MAP1A: variants seen among roughly 807,000 people sequenced by gnomAD.
MAP1A encodes microtubule associated protein 1A, also known as microtubule-associated protein 1A.
A neutral mutation model predicts 185.9 loss-of-function variants in MAP1A; 42 were observed. The observed-to-expected ratio is 0.23, with a 90% CI of 0.18 to 0.29. The LOEUF (loss-of-function observed/expected upper bound fraction) is 0.29, where lower values mean the gene tolerates loss of function less well. MAP1A is among the 10% of genes least tolerant of loss of function. The probability of loss-of-function intolerance (pLI) is 1.00; values close to 1 mark genes in which losing one functional copy is unlikely to be tolerated. For synonymous variants in MAP1A, 1,229 were observed against 1,335.9 expected, an observed-to-expected ratio of 0.92 and a Z score of 1.74; for missense variants, 2,995 against 3,450.4, an observed-to-expected ratio of 0.87 and a Z score of 3.31.
rs1476964078 is a variant in MAP1A at position 43,522,037 on chromosome 15, C to T, written c.564C>T (p.Thr188=). 1 of 1,614,146 alleles carries T rather than the reference C, an allele frequency of 6.2e-7. No individual in the cohort carries two copies. Among genetic ancestry groups the T allele is most frequent in the Admixed American group, 1.7e-5 (1 of 60,024 alleles). Residue 188 remains threonine, a synonymous_variant, in exon 4 of 6, where the codon ACC becomes ACT. Coordinates refer to ENST00000300231, the MANE Select transcript of MAP1A (RefSeq NM_002373.6). The surrounding 1 kb of genome is among the most constrained non-coding windows in gnomAD (Gnocchi z 5.9). ...RVVSNTIEPL[T]LFHKMGVGRL... ...TCAGCAATACCATTGAGCCACTGAC[C>T]CTCTTCCACAAAATGGGTGTGGGCC...
In MAP1A at chr15:43,530,340, CTTG is replaced by C. The variant is rs2079366882; in HGVS notation, c.*121_*123del. The C allele has an allele frequency of 4.5e-6, 6 of 1,348,284 alleles. No homozygotes were observed. Among genetic ancestry groups the C allele is most frequent in the Non-Finnish European group, 6.1e-6 (6 of 984,062 alleles). The allele number at this position is 1,348,284 out of a possible 1,614,324, so 83.5% of individuals were successfully genotyped here. Reference sequence around the variant, plus strand: ...AGCTAGGGGGAGGGGAGGGAGATGTCTTGTTGTGGGGACTTGGGCTGGGCTAAA... The same window carrying C: ...AGCTAGGGGGAGGGGAGGGAGATGTCTTGTGGGGACTTGGGCTGGGCTAAA... On this transcript the variant is annotated 3_prime_UTR_variant, in exon 6 of 6. Transcript: ENST00000300231.
At chr15:43,520,611 T>C (rs945582811) in intron 1 of MAP1A, 30 bp from the exon 2 acceptor site, 13 of 1,351,932 alleles carry the variant, frequency 9.6e-6, no homozygotes, top group African/African-American at 1.5e-5. Context: ...ATACCTATTC[T>C]CAATATAAAT....
chr15:43,524,327 G>C lies in MAP1A; in HGVS notation c.2854G>C (p.Glu952Gln), dbSNP rs1000565559. The change falls in exon 4 of 6, where the codon GAG becomes CAG. Residue 952 changes from glutamate to glutamine, a missense_variant. Physicochemically the swap from Glu to Gln is conservative, Grantham distance 29. Around this residue, in one of 3 missense-constraint regions of MAP1A, gnomAD observed 2,728 missense variants for 2,986.0 expected, o/e 0.91. Coordinates refer to ENST00000300231, the MANE Select transcript of MAP1A (RefSeq NM_002373.6). ...GGAGACAGCAAACGTAGAGATGTCT[G>C]AGAAACTTTGCAGTCAATATGGAAC... ...EEETANVEMS[E>Q]KLCSQYGTPV... 1 of 1,614,240 alleles carries C rather than the reference G, an allele frequency of 6.2e-7. No individual in the cohort carries two copies. Among genetic ancestry groups the C allele is most frequent in the Non-Finnish European group, 8.5e-7 (1 of 1,180,038 alleles).
In MAP1A at chr15:43,529,411, A is replaced by C; in HGVS notation, c.7938A>C (p.Arg2646=). ...PADRASRAPP[R]PRSTTSQVTP... ...ATCGAGCATCCCGGGCCCCACCTCG[A>C]CCACGCAGCACCACAAGCCAGGTCA... is the stretch of plus-strand genomic sequence containing the variant. Residue 2646 remains arginine (R), a synonymous_variant, in exon 4 of 6, where the codon CGA becomes CGC. Coordinates refer to ENST00000300231, the MANE Select transcript of MAP1A (RefSeq NM_002373.6). This position sits in a 1 kb window ranked among gnomAD's most constrained non-coding sequence, Gnocchi z 4.3. 1.2e-6 allele frequency: 2 copies of C among 1,613,840 alleles called. No homozygotes were observed. The highest frequency in any genetic ancestry group is 1.7e-6 in the Non-Finnish European group (2 of 1,180,002).
chr15:43,529,850 C>T lies in MAP1A; in HGVS notation c.8236C>T (p.Gln2746Ter), dbSNP rs1178210739. 3.7e-6 allele frequency: 6 copies of T among 1,613,542 alleles called. No individual in the cohort carries two copies. The highest frequency in any genetic ancestry group is 4.2e-6 in the Non-Finnish European group (5 of 1,180,022). The change falls in exon 5 of 6, where the codon CAG becomes TAG. Residue 2746 changes from glutamine (Q) to a stop codon, truncating the protein, a stop_gained. Coordinates refer to ENST00000300231, the MANE Select transcript of MAP1A (RefSeq NM_002373.6). LOFTEE classifies it high-confidence loss of function. This position sits in a 1 kb window ranked among gnomAD's most constrained non-coding sequence, Gnocchi z 4.3. Reference protein sequence around the residue: ...VLDALLEGKAQWGENLQVTLI... With the variant: ...VLDALLEGKA ...GGATGCCCTGCTGGAGGGCAAGGCCCAGTGGGGGGAGAATCTTCAGGTGAG... is the reference window on the plus strand; with the variant it reads ...GGATGCCCTGCTGGAGGGCAAGGCCTAGTGGGGGGAGAATCTTCAGGTGAG...
Position 43,522,713 on chromosome 15 carries a change from GAAA to G in MAP1A, c.1246_1248del (p.Lys416del). The G allele has an allele frequency of 6.3e-7, 1 of 1,592,682 alleles. No individual in the cohort carries two copies. Among genetic ancestry groups the G allele is most frequent in the Non-Finnish European group, 8.5e-7 (1 of 1,169,718 alleles). Reference sequence around the variant, plus strand: ...TAAAGAAAAGATATCAAAGCTGGAAGAAAAAAAAGACAAGGAGAAAAAAGAGAT... The same window carrying G: ...TAAAGAAAAGATATCAAAGCTGGAAGAAAAAGACAAGGAGAAAAAAGAGAT... On this transcript the variant is annotated inframe_deletion, in exon 4 of 6. Coordinates refer to ENST00000300231, the MANE Select transcript of MAP1A (RefSeq NM_002373.6). The surrounding 1 kb of genome is among the most constrained non-coding windows in gnomAD (Gnocchi z 5.9).
At position 43,522,073 on chromosome 15, in the gene MAP1A, G is replaced by A; in HGVS notation, c.600G>A (p.Met200Ile). The change falls in exon 4 of 6, where the codon ATG (methionine) becomes ATA (isoleucine). Residue 200 changes from methionine to isoleucine, a missense_variant. By Grantham distance (10) the Met-to-Ile change is conservative. Transcript: ENST00000300231. The surrounding 1 kb of genome is among the most constrained non-coding windows in gnomAD (Gnocchi z 5.9). ...AAATGGGTGTGGGCCGGCTGGACAT[G>A]TATGTCCTCAACCCTGTCAAGGACA... is the stretch of plus-strand genomic sequence containing the variant. ...FHKMGVGRLD[M>I]YVLNPVKDSK... is the part of the protein sequence containing the mutation. 1 of 1,614,160 alleles carries A rather than the reference G, an allele frequency of 6.2e-7. No homozygotes were observed. The highest frequency in any genetic ancestry group is 8.5e-7 in the Non-Finnish European group (1 of 1,180,010).
intron 2 of MAP1A, among the ~76,000 whole-genome samples, chr15:43,512,533 A>G: frequency 6.6e-6 from 1 of 152,212 alleles, no homozygotes; most frequent in East Asian, 1.9e-4. Flanking sequence ...TTGTTTGTGG[A>G]TAGCTGTTGA....
chr15:43,525,507 A>C lies in MAP1A; in HGVS notation c.4034A>C (p.Lys1345Thr). 7 of 1,614,228 alleles carry C rather than the reference A, an allele frequency of 4.3e-6. No homozygotes were observed. Among genetic ancestry groups the C allele is most frequent in the Non-Finnish European group, 5.9e-6 (7 of 1,180,044 alleles). The change falls in exon 4 of 6, where the codon AAA (lysine) becomes ACA (threonine). Residue 1345 changes from lysine (K) to threonine (T), a missense_variant. Physicochemically the swap from Lys to Thr is moderately conservative, Grantham distance 78. This residue lies in a region of MAP1A where 2,728 missense variants were observed against 2,986.0 expected (regional missense o/e 0.91). Coordinates refer to ENST00000300231, the MANE Select transcript of MAP1A (RefSeq NM_002373.6). ...LEDIAIKWEDKVPGLKDRTSE... is the reference protein window; with the variant it reads ...LEDIAIKWEDTVPGLKDRTSE... ...GACATTGCCATAAAGTGGGAAGATAAAGTTCCAGGGTTGAAAGACAGAACC... is the reference window on the plus strand; with the variant it reads ...GACATTGCCATAAAGTGGGAAGATACAGTTCCAGGGTTGAAAGACAGAACC...
chr15:43,512,122 G>A, intron 1 of MAP1A: 1 of 846,892 alleles, frequency 1.2e-6, no homozygotes, highest in South Asian at 1.4e-5. Context: ...ACTTGAAAGT[G>A]TTCCTGCAGT....
chr15:43,529,664 A>G lies in MAP1A; in HGVS notation c.8050A>G (p.Lys2684Glu), dbSNP rs1357556038. The change falls in exon 5 of 6, where the codon AAG (lysine) becomes GAG (glutamate). Residue 2684 changes from lysine to glutamate, a missense_variant. Coordinates refer to ENST00000300231, the MANE Select transcript of MAP1A (RefSeq NM_002373.6). The surrounding 1 kb of genome is among the most constrained non-coding windows in gnomAD (Gnocchi z 4.3). Reference sequence around the variant, plus strand: ...TGTCTCTACAGTGGCCTTGAGTTCCAAGGGCAGCTCTGGTGCCCCTGTATA... The same window carrying G: ...TGTCTCTACAGTGGCCTTGAGTTCCGAGGGCAGCTCTGGTGCCCCTGTATA... Reference protein sequence around the residue: ...LKAGPMALSSKGSSGAPVYVD... With the variant: ...LKAGPMALSSEGSSGAPVYVD... The G allele has an allele frequency of 6.2e-7, 1 of 1,614,148 alleles. No homozygotes were observed. Among genetic ancestry groups the G allele is most frequent in the South Asian group, 1.1e-5 (1 of 91,088 alleles).
rs1365679541 is a variant in MAP1A at position 43,530,491 on chromosome 15, T to C, written c.*267T>C. On this transcript the variant is annotated 3_prime_UTR_variant, in exon 6 of 6. Transcript: ENST00000300231. ...TAGCATCTGATGCCTGAGAACCCTC[T>C]CCTAGCACTGTCAAATGCTGGTATT... The C allele has an allele frequency of 6.7e-6, 3 of 446,562 alleles. No homozygotes were observed. The highest frequency in any genetic ancestry group is 1.2e-5 in the Non-Finnish European group (3 of 247,340). 27.7% of individuals were successfully genotyped at this position (446,562 alleles called of 1,614,324 possible). A position where few individuals can be genotyped will look rare whatever the true frequency, so the allele number is the denominator to read the frequency against.
In MAP1A at chr15:43,524,334, T is replaced by G; in HGVS notation, c.2861T>G (p.Leu954Arg). Residue 954 changes from leucine (L) to arginine (R), a missense_variant, in exon 4 of 6, where the codon CTT (leucine) becomes CGT (arginine). Leu to Arg is a moderately radical substitution (Grantham distance 102). Coordinates refer to ENST00000300231, the MANE Select transcript of MAP1A (RefSeq NM_002373.6). ...GCAAACGTAGAGATGTCTGAGAAACTTTGCAGTCAATATGGAACTCCAGTG... is the reference window on the plus strand; with the variant it reads ...GCAAACGTAGAGATGTCTGAGAAACGTTGCAGTCAATATGGAACTCCAGTG... ...ETANVEMSEK[L>R]CSQYGTPVFS... The G allele has an allele frequency of 6.2e-7, 1 of 1,614,120 alleles. No individual in the cohort carries two copies. Among genetic ancestry groups the G allele is most frequent in the South Asian group, 1.1e-5 (1 of 91,080 alleles).
Position 43,529,182 on chromosome 15 carries a change from C to CA in MAP1A, c.7710dup (p.Ser2571IlefsTer6). The CA allele has an allele frequency of 6.2e-7, 1 of 1,604,616 alleles. No individual in the cohort carries two copies. The highest frequency in any genetic ancestry group is 8.5e-7 in the Non-Finnish European group (1 of 1,172,364). ...CCTCTCCCACAGCCAGACCCCCGCCCATCCCCTCCCCGCCCTGATGTGTGC... is the reference window on the plus strand; with the variant it reads ...CCTCTCCCACAGCCAGACCCCCGCCCAATCCCCTCCCCGCCCTGATGTGTGC... On this transcript the variant is annotated frameshift_variant, in exon 4 of 6. Coordinates refer to ENST00000300231, the MANE Select transcript of MAP1A (RefSeq NM_002373.6). LOFTEE classifies it high-confidence loss of function. This position sits in a 1 kb window ranked among gnomAD's most constrained non-coding sequence, Gnocchi z 4.3.
rs760424555 is a variant in MAP1A, at chr15:43,528,501, C to T, written c.7028C>T (p.Ala2343Val). 1.9e-6 allele frequency: 3 copies of T among 1,613,472 alleles called. No individual in the cohort carries two copies. The highest frequency in any genetic ancestry group is 1.7e-5 in the Admixed American group (1 of 60,032). ...TGCCACCTGGAGTGCTCAGAGGCAG[C>T]CACGGAGAAGCCAAGCCCCTTCCAG... ...LPCHLECSEA[A>V]TEKPSPFQVP... Residue 2343 changes from alanine (A) to valine (V), a missense_variant, in exon 4 of 6, where the codon GCC (alanine) becomes GTC (valine). Around this residue, in one of 3 missense-constraint regions of MAP1A, gnomAD observed 2,728 missense variants for 2,986.0 expected, o/e 0.91. Transcript: ENST00000300231.
At position 43,527,714 on chromosome 15, in the gene MAP1A, A is replaced by T. The variant is rs778933319; in HGVS notation, c.6241A>T (p.Ile2081Phe). ...KGPSPPLNGNILSCSPDRRSP... is the reference protein window; with the variant it reads ...KGPSPPLNGNFLSCSPDRRSP... ...CCCAAGCCCCCCTCTTAATGGTAAC[A>T]TCCTGAGCTGCAGCCCAGATAGGAG... is the stretch of plus-strand genomic sequence containing the variant. Residue 2081 changes from isoleucine to phenylalanine, a missense_variant, in exon 4 of 6, where the codon ATC (isoleucine) becomes TTC (phenylalanine). Ile to Phe is a conservative substitution (Grantham distance 21, BLOSUM62 0). Transcript: ENST00000300231. 3.1e-6 allele frequency: 5 copies of T among 1,609,846 alleles called. No individual in the cohort carries two copies. The highest frequency in any genetic ancestry group is 4.2e-6 in the Non-Finnish European group (5 of 1,178,662).
intron 1 of MAP1A, among the ~76,000 whole-genome samples, chr15:43,518,712 C>CT (rs927395859): frequency 7.5e-6 from 1 of 132,832 alleles, no homozygotes; most frequent in Admixed American, 7.1e-5. Flanking sequence ...CAGCCCACCC[C>CT]CCCCCGCAAC....
chr15:43,529,968 T>TAAAG lies in MAP1A; in HGVS notation c.8257-99_8257-98insAGAA. The TAAAG allele has an allele frequency of 6.4e-7, 1 of 1,556,412 alleles. No homozygotes were observed. The highest frequency in any genetic ancestry group is 8.8e-7 in the Non-Finnish European group (1 of 1,134,058). On this transcript the variant is annotated intron_variant, in intron 5 of 5. Coordinates refer to ENST00000300231, the MANE Select transcript of MAP1A (RefSeq NM_002373.6). The surrounding 1 kb of genome is among the most constrained non-coding windows in gnomAD (Gnocchi z 4.3). ...TATTTATTAAAGGATGGGCCTTTTC[T>TAAAG]AAGGGCAGCAGAGCTGCTTCTGAGA...
In MAP1A at chr15:43,523,790, T is replaced by C. The variant is rs766784247; in HGVS notation, c.2317T>C (p.Tyr773His). Residue 773 changes from tyrosine to histidine, a missense_variant, in exon 4 of 6, where the codon TAT (tyrosine) becomes CAT (histidine). By Grantham distance (83) the Tyr-to-His change is moderately conservative. Coordinates refer to ENST00000300231, the MANE Select transcript of MAP1A (RefSeq NM_002373.6). ...PAPPRFHTSTYDLPGPEGAGP... is the reference protein window; with the variant it reads ...PAPPRFHTSTHDLPGPEGAGP... ...TCCACCCAGATTTCATACAAGTACA[T>C]ATGACCTGCCCGGGCCTGAAGGTGC... is the stretch of plus-strand genomic sequence containing the variant. 1.2e-6 allele frequency: 2 copies of C among 1,614,014 alleles called. No homozygotes were observed. The highest frequency in any genetic ancestry group is 4.5e-5 in the East Asian group (2 of 44,874).
Sources: gnomAD v4.1 joint callset for allele counts (sites outside exome capture counted in the v4.1 genomes callset) on GRCh38, gnomAD v4.1.1 for gene constraint, gnomAD v4.1.1 regional missense constraint, Gnocchi (gnomAD v3.1) non-coding constraint, MANE v1.5 for transcripts, NCBI Gene and HGNC (gene_info 2026-07-23, HGNC 2026-07-21) for gene names.